TMEM132D: variants seen among roughly 807,000 people sequenced by gnomAD.
The protein encoded by TMEM132D is transmembrane protein 132D.
TMEM132D carries 21 observed loss-of-function variants against 62.3 expected under a neutral mutation model. The observed-to-expected ratio is 0.34, with a 90% CI of 0.24 to 0.49. The LOEUF is 0.49. Ranked by LOEUF, TMEM132D falls within the 20% of genes least tolerant of loss-of-function variation. TMEM132D has a pLI of 0.99. For synonymous variants in TMEM132D, 621 were observed against 575.6 expected (o/e 1.08, Z -1.13); for missense variants, 1,346 against 1,402.8 (o/e 0.96, Z 0.65).
chr12:129,486,448 T>C (rs949503254), intron 3 of TMEM132D, among the ~76,000 whole-genome samples: 1 of 152,100 alleles, frequency 6.6e-6, no homozygotes, highest in African/African-American at 2.4e-5. Flanking sequence ...CCACTTATTC[T>C]CCTACTCTTC....
chr12:129,603,668 A>G (rs1878540879), intron 2 of TMEM132D, among the ~76,000 whole-genome samples: 2 of 152,228 alleles, frequency 1.3e-5, no homozygotes, highest in African/African-American at 4.8e-5. Flanking sequence ...GTCTGGAAAC[A>G]ACAGGTGCTG....
intron 4 of TMEM132D, among the ~76,000 whole-genome samples, chr12:129,278,685 C>T (rs991197922): frequency 6.6e-6 from 1 of 152,186 alleles, no homozygotes; most frequent in Non-Finnish European, 1.5e-5. Flanking sequence ...GGAATAAAGA[C>T]AATTTTGCCT....
At chr12:129,399,804 G>C (rs1340654738) in intron 3 of TMEM132D, among the ~76,000 whole-genome samples, 1 of 152,140 alleles carries the variant, frequency 6.6e-6, no homozygotes, top group South Asian at 2.1e-4. Context: ...GCCATAATAG[G>C]TAAAACTGTG....
At chr12:129,316,364 G>A (rs1868488714) in intron 4 of TMEM132D, among the ~76,000 whole-genome samples, 1 of 152,044 alleles carries the variant, frequency 6.6e-6, no homozygotes, top group Non-Finnish European at 1.5e-5. Context: ...CATTCGGTTT[G>A]AAGAATTTTT....
At chr12:129,128,427 G>T (rs1361628031) in intron 5 of TMEM132D, among the ~76,000 whole-genome samples, 3 of 152,146 alleles carry the variant, frequency 2.0e-5, no homozygotes, top group African/African-American at 7.2e-5. Flanking sequence ...TTACACGGTG[G>T]CAGGAGCGAG....
intron 2 of TMEM132D, among the ~76,000 whole-genome samples, chr12:129,538,195 C>T (rs1397476384): frequency 3.3e-5 from 5 of 152,126 alleles, no homozygotes; most frequent in African/African-American, 1.2e-4. Flanking sequence ...AGGAAGAAAG[C>T]AAACAAAAAC....
intron 1 of TMEM132D, among the ~76,000 whole-genome samples, chr12:129,891,469 G>A (rs1041160509): frequency 2.0e-5 from 3 of 152,220 alleles, no homozygotes; most frequent in Non-Finnish European, 4.4e-5. Flanking sequence ...GCCGTTGGGT[G>A]CGGCTGAAAT....
At chr12:129,143,446 C>T (rs1876801122) in intron 5 of TMEM132D, among the ~76,000 whole-genome samples, 1 of 152,168 alleles carries the variant, frequency 6.6e-6, no homozygotes. Context: ...TCAGAAGCTT[C>T]ACGATATCAG....
rs752627245 is a variant in TMEM132D, at chr12:129,074,481, A to G, written c.2694T>C (p.Asn898=). 2 of 1,613,874 alleles carry G rather than the reference A, an allele frequency of 1.2e-6. No individual in the cohort carries two copies. Among genetic ancestry groups the G allele is most frequent in the Admixed American group, 3.3e-5 (2 of 60,006 alleles). Reference sequence around the variant, plus strand: ...TAAGGTCATTCCCATCCATTTCCCCATTGCTTCTGGGGAGGTCCACCTGGG... The same window carrying G: ...TAAGGTCATTCCCATCCATTTCCCCGTTGCTTCTGGGGAGGTCCACCTGGG... ...FPAQVDLPRS[N]GEMDGNDLMQ... is the part of the protein sequence containing the mutation. The change falls in exon 9 of 9, where the codon AAT becomes AAC. Residue 898 remains asparagine, a synonymous_variant. Coordinates refer to ENST00000422113, the MANE Select transcript of TMEM132D (RefSeq NM_133448.3).
intron 2 of TMEM132D, among the ~76,000 whole-genome samples, chr12:129,535,120 G>A (rs1876343432): frequency 6.6e-6 from 1 of 152,240 alleles, no homozygotes; most frequent in African/African-American, 2.4e-5. Flanking sequence ...GATCAAGGCT[G>A]AAGGCATCTC....
intron 1 of TMEM132D, among the ~76,000 whole-genome samples, chr12:129,745,449 T>C (rs1869747381): frequency 1.3e-5 from 2 of 152,202 alleles, no homozygotes; most frequent in African/African-American, 4.8e-5. Flanking sequence ...TATATCCACC[T>C]TCTCATGACC....
At chr12:129,701,495 G>A (rs1377936280) in intron 1 of TMEM132D, among the ~76,000 whole-genome samples, 1 of 152,190 alleles carries the variant, frequency 6.6e-6, no homozygotes, top group African/African-American at 2.4e-5. Flanking sequence ...AAGAAGCACG[G>A]GAAGGGCAGC....
chr12:129,535,889 G>A (rs766608137), intron 2 of TMEM132D, among the ~76,000 whole-genome samples: 1 of 151,936 alleles, frequency 6.6e-6, no homozygotes, highest in Non-Finnish European at 1.5e-5. Flanking sequence ...GCTATATAGA[G>A]TTCAAAGCCC....
At chr12:129,194,216 C>T (rs1265973313) in intron 5 of TMEM132D, among the ~76,000 whole-genome samples, 1 of 152,204 alleles carries the variant, frequency 6.6e-6, no homozygotes. Flanking sequence ...AGGGCTGGGC[C>T]CCTCTCTTCC....
chr12:129,830,939 T>C (rs1566000865), intron 1 of TMEM132D, among the ~76,000 whole-genome samples: 1 of 152,160 alleles, frequency 6.6e-6, no homozygotes, highest in Non-Finnish European at 1.5e-5. Flanking sequence ...AATTCAAGTG[T>C]TGGAGACACC....
intron 1 of TMEM132D, among the ~76,000 whole-genome samples, chr12:129,708,036 G>C (rs1471726860): frequency 6.6e-6 from 1 of 152,098 alleles, no homozygotes; most frequent in East Asian, 1.9e-4. Flanking sequence ...GGCCAACATG[G>C]TGAAAGCCTG....
intron 3 of TMEM132D, among the ~76,000 whole-genome samples, chr12:129,415,726 C>T (rs10773652): frequency 0.48 from 73,062 of 151,996 alleles, 18,177 homozygotes; most frequent in East Asian, 0.76. Context: ...TCCAGTCAGG[C>T]CACAAAGCTC....
At chr12:129,554,926 T>A (rs565819385) in intron 2 of TMEM132D, among the ~76,000 whole-genome samples, 1 of 152,264 alleles carries the variant, frequency 6.6e-6, no homozygotes, top group South Asian at 2.1e-4. Context: ...TCTCCCTGTT[T>A]TTCATGGAGT....
intron 5 of TMEM132D, among the ~76,000 whole-genome samples, chr12:129,120,666 A>G (rs902793364): frequency 1.3e-5 from 2 of 152,220 alleles, no homozygotes; most frequent in African/African-American, 2.4e-5. Context: ...GGTTTAGTTA[A>G]TAGTATAGAT....
Sources: allele counts gnomAD v4.1 joint callset (sites outside exome capture counted in the v4.1 genomes callset), GRCh38; gene constraint gnomAD v4.1.1; transcripts MANE v1.5; gene names NCBI Gene and HGNC (gene_info 2026-07-23, HGNC 2026-07-21).